Variants in CALD1 observed in about 807,000 individuals in gnomAD.
CALD1 encodes caldesmon 1.
In CALD1, 33 loss-of-function variants were observed where a neutral mutation model predicts 99.9. That is an observed-to-expected ratio of 0.33 (90% CI 0.25 to 0.44). CALD1 has a LOEUF of 0.44. Among genes scored for constraint, CALD1 ranks in the 20% least tolerant of loss-of-function variants. The probability of loss-of-function intolerance (pLI) is 1.00; values close to 1 mark genes in which losing one functional copy is unlikely to be tolerated. For synonymous variants in CALD1, 310 were observed against 325.0 expected, an observed-to-expected ratio of 0.95 and a Z score of 0.50; for missense variants, 861 against 962.1, an observed-to-expected ratio of 0.89 and a Z score of 1.39.
rs987426309 is a variant in CALD1, at chr7:134,899,298, G to C, written c.72-29456G>C. ...GGCTCACTACAACCTCTGCCTCTCA[G>C]GTTCAAGCGATTCTCCTGCCTCAGC... On this transcript the variant is annotated intron_variant, in intron 3 of 14. Transcript: ENST00000361675. 3.3e-5 allele frequency among the ~76,000 whole-genome samples: 5 copies of C among 151,454 alleles called. No individual in the cohort carries two copies. The South Asian group carries it at 1.0e-3, about 32-fold the overall frequency.
chr7:134,823,944 T>G (rs1376817887), intron 1 of CALD1, among the ~76,000 whole-genome samples: 1 of 152,188 alleles, frequency 6.6e-6, no homozygotes, highest in Non-Finnish European at 1.5e-5. Context: ...CCATATGATT[T>G]TTTAAATTGC....
At chr7:134,914,810 C>G (rs1298534843) in intron 3 of CALD1, among the ~76,000 whole-genome samples, 1 of 152,202 alleles carries the variant, frequency 6.6e-6, no homozygotes, top group Non-Finnish European at 1.5e-5. Flanking sequence ...CTCCTCTGAT[C>G]CCTTAGCTGG....
chr7:134,770,968 AATCT>A (rs1158716633), intron 1 of CALD1, among the ~76,000 whole-genome samples: 2 of 152,216 alleles, frequency 1.3e-5, no homozygotes, highest in African/African-American at 4.8e-5. Flanking sequence ...ACAATAACCC[AATCT>A]ATCACAAGCT....
intron 1 of CALD1, among the ~76,000 whole-genome samples, chr7:134,749,569 C>T (rs1443576775): frequency 2.6e-5 from 4 of 152,076 alleles, no homozygotes; most frequent in Admixed American, 6.5e-5. Flanking sequence ...GCTAAGATCG[C>T]GCCATTACAC....
intron 1 of CALD1, among the ~76,000 whole-genome samples, chr7:134,787,103 T>C (rs1461372213): frequency 2.0e-5 from 3 of 152,196 alleles, no homozygotes; most frequent in Non-Finnish European, 4.4e-5. Context: ...AGAAGCCTAT[T>C]TCTTTAGTTT....
intron 1 of CALD1, among the ~76,000 whole-genome samples, chr7:134,795,009 C>T (rs1422801927): frequency 2.6e-5 from 4 of 152,154 alleles, no homozygotes; most frequent in East Asian, 1.9e-4. Flanking sequence ...TCTTGTAAGT[C>T]GCTGGAAGCC....
At chr7:134,953,888 T>A (rs1807568704) in intron 9 of CALD1, among the ~76,000 whole-genome samples, 1 of 152,142 alleles carries the variant, frequency 6.6e-6, no homozygotes, top group Non-Finnish European at 1.5e-5. Flanking sequence ...AAGGTCTAGG[T>A]TATTTTAAAT....
At chr7:134,852,289 G>C (rs1800115338) in intron 2 of CALD1, among the ~76,000 whole-genome samples, 2 of 151,272 alleles carry the variant, frequency 1.3e-5, no homozygotes, top group South Asian at 2.1e-4. Flanking sequence ...AGAGACAAAG[G>C]CCCAGAGGCA....
Position 134,933,924 on chromosome 7 carries a change from G to C in CALD1, c.1155G>C (p.Glu385Asp), listed in dbSNP as rs969210249. The change falls in exon 5 of 15, where the codon GAG (glutamate) becomes GAC (aspartate). Residue 385 changes from glutamate (E) to aspartate (D), a missense_variant. Glu to Asp is a conservative substitution (Grantham distance 45). Coordinates refer to ENST00000361675, the MANE Select transcript of CALD1 (RefSeq NM_033138.4). Reference protein sequence around the residue: ...AEEEEKAKVEEQKRNKQLEEK... With the variant: ...AEEEEKAKVEDQKRNKQLEEK... ...AGGAAGAGAAGGCTAAGGTAGAAGA[G>C]CAGAAACGTAACAAGCAGCTAGAAG... 3 of 1,613,848 alleles carry C rather than the reference G, an allele frequency of 1.9e-6. No homozygotes were observed. The highest frequency in any genetic ancestry group is 3.3e-5 in the Admixed American group (2 of 59,996).
At chr7:134,711,784 C>A in the CALD1 span, among the ~76,000 whole-genome samples, 4 of 150,062 alleles carry the variant, frequency 2.7e-5, no homozygotes, top group East Asian at 7.8e-4. Flanking sequence ...TTCTATTTCT[C>A]TGGAAAACTA....
rs930014560 is a variant in CALD1 at position 134,803,975 on chromosome 7, C to T, written c.-130+24226C>T. 3.3e-5 allele frequency among the ~76,000 whole-genome samples: 5 copies of T among 152,262 alleles called. No homozygotes were observed. In the East Asian group the frequency reaches 5.8e-4, roughly 18 times the overall value. ...CCTCCCAAAGTGTTGGGATTACAGG[C>T]GTGAGCCACCACACCCAGCCAGGCA... On this transcript the variant is annotated intron_variant, in intron 1 of 14. Coordinates refer to ENST00000361675, the MANE Select transcript of CALD1 (RefSeq NM_033138.4).
At chr7:134,781,930 T>C (rs1185959091) in intron 1 of CALD1, among the ~76,000 whole-genome samples, 2 of 152,222 alleles carry the variant, frequency 1.3e-5, no homozygotes, top group Non-Finnish European at 2.9e-5. Flanking sequence ...ATGAGAATCA[T>C]TAACAATTCT....
intron 3 of CALD1, among the ~76,000 whole-genome samples, chr7:134,877,150 T>C (rs777496216): frequency 3.9e-5 from 6 of 152,226 alleles, no homozygotes; most frequent in Non-Finnish European, 7.3e-5. Context: ...TTCTGCTGGC[T>C]GAAGGACATG....
At chr7:134,846,462 G>A (rs1799858274) in intron 2 of CALD1, among the ~76,000 whole-genome samples, 1 of 152,244 alleles carries the variant, frequency 6.6e-6, no homozygotes, top group South Asian at 2.1e-4. Context: ...ACCATCAAAT[G>A]TCATTTCTCA....
chr7:134,789,580 C>G (rs1797441112), intron 1 of CALD1, among the ~76,000 whole-genome samples: 1 of 152,220 alleles, frequency 6.6e-6, no homozygotes, highest in Non-Finnish European at 1.5e-5. Flanking sequence ...TTTGCACGTA[C>G]ATGATAGACA....
Position 134,847,112 on chromosome 7 carries a change from T to C in CALD1, c.-42+3141T>C, listed in dbSNP as rs1586095749. 3.9e-5 allele frequency among the ~76,000 whole-genome samples: 6 copies of C among 152,264 alleles called. No homozygotes were observed. In the South Asian group the frequency reaches 1.2e-3, roughly 32 times the overall value. On this transcript the variant is annotated intron_variant, in intron 2 of 14. Transcript: ENST00000361675. ...GAGCACGTAAAAGAAGTGCTTTGAG[T>C]TGTAAGCACTTCGAAGGCTTTGCCC...
intron 1 of CALD1, among the ~76,000 whole-genome samples, chr7:134,764,269 T>G (rs547926281): frequency 3.9e-5 from 6 of 152,300 alleles, no homozygotes; most frequent in African/African-American, 1.2e-4. Flanking sequence ...TTCTCAGATT[T>G]GGTTCTGGGT....
intron 3 of CALD1, among the ~76,000 whole-genome samples, chr7:134,905,217 C>G (rs978052382): frequency 6.6e-6 from 1 of 152,092 alleles, no homozygotes; most frequent in African/African-American, 2.4e-5. Context: ...TCTGCAAGAC[C>G]TGTAAGCACA....
At chr7:134,791,346 G>A (rs944479245) in intron 1 of CALD1, among the ~76,000 whole-genome samples, 5 of 152,104 alleles carry the variant, frequency 3.3e-5, no homozygotes, top group Admixed American at 6.5e-5. Context: ...ATAGGCACAC[G>A]CCACCATGCC....
Sources: gnomAD v4.1 joint callset for allele counts (sites outside exome capture counted in the v4.1 genomes callset) on GRCh38, gnomAD v4.1.1 for gene constraint, MANE v1.5 for transcripts, NCBI Gene and HGNC (gene_info 2026-07-23, HGNC 2026-07-21) for gene names.